ST6GALNAC3: variants seen among roughly 807,000 people sequenced by gnomAD.
ST6GALNAC3 encodes the protein alpha-N-acetylgalactosaminide alpha-2,6-sialyltransferase 3.
In ST6GALNAC3, 25 loss-of-function variants were observed where a neutral mutation model predicts 32.7. The ratio of observed to expected loss-of-function variants is 0.76; its 90% CI spans 0.56 to 1.07. ST6GALNAC3 has a LOEUF of 1.07. Among genes scored for constraint, ST6GALNAC3 ranks in the 50% least tolerant of loss-of-function variants. ST6GALNAC3 has a pLI of 0.00. For synonymous variants in ST6GALNAC3, 129 were observed against 133.1 expected, an observed-to-expected ratio of 0.97 and a Z score of 0.21; for missense variants, 355 against 382.4, an observed-to-expected ratio of 0.93 and a Z score of 0.60.
intron 3 of ST6GALNAC3, among the ~76,000 whole-genome samples, 188 bp downstream of exon 3, chr1:76,412,605 C>G (rs1654338348): frequency 1.3e-5 from 2 of 152,084 alleles, no homozygotes; most frequent in Non-Finnish European, 2.9e-5. Context: ...ACCTCCTGTT[C>G]TTTCCATTCT....
chr1:76,300,655 T>G (rs546789596), intron 1 of ST6GALNAC3, among the ~76,000 whole-genome samples: 1 of 152,136 alleles, frequency 6.6e-6, no homozygotes, highest in Admixed American at 6.6e-5. Context: ...TTGAGAGGAT[T>G]CTGAAGTTGC....
chr1:76,430,143 T>C (rs780307516), intron 3 of ST6GALNAC3, among the ~76,000 whole-genome samples: 24 of 152,186 alleles, frequency 1.6e-4, no homozygotes, highest in Non-Finnish European at 2.5e-4. Context: ...TATTCTTTGA[T>C]TATATGCTTT....
chr1:76,400,706 G>A (rs961788314), intron 2 of ST6GALNAC3, among the ~76,000 whole-genome samples: 3 of 152,008 alleles, frequency 2.0e-5, no homozygotes, highest in African/African-American at 7.2e-5. Flanking sequence ...GGCCAACATG[G>A]TGAAACCTCA....
intron 3 of ST6GALNAC3, among the ~76,000 whole-genome samples, chr1:76,532,486 T>C (rs988670337): frequency 1.3e-5 from 2 of 152,034 alleles, no homozygotes; most frequent in Admixed American, 6.6e-5. Flanking sequence ...TGATTGAGAG[T>C]GCATTGTTTA....
chr1:76,364,674 A>G (rs1217645136), intron 2 of ST6GALNAC3, among the ~76,000 whole-genome samples: 2 of 152,158 alleles, frequency 1.3e-5, no homozygotes, highest in African/African-American at 2.4e-5. Flanking sequence ...GGCAAAAGAC[A>G]TGAAAAGACA....
intron 1 of ST6GALNAC3, among the ~76,000 whole-genome samples, chr1:76,296,317 G>T (rs12405655): frequency 1.3e-5 from 2 of 152,096 alleles, no homozygotes; most frequent in South Asian, 4.1e-4. Flanking sequence ...GAAATGGTTT[G>T]AGTACTGTAG....
chr1:76,467,893 A>T lies in ST6GALNAC3; in HGVS notation c.623+55476A>T, dbSNP rs1002492661. ...ATACAATTTTCACTGTATAAATGGA[A>T]TGAAAGTCTAAAGCAGTACTCAGGT... is the stretch of plus-strand genomic sequence containing the variant. On this transcript the variant is annotated intron_variant, in intron 3 of 4. Coordinates refer to ENST00000328299, the MANE Select transcript of ST6GALNAC3 (RefSeq NM_152996.4). Among the ~76,000 whole-genome samples, 5 of 152,176 alleles carry T rather than the reference A, an allele frequency of 3.3e-5. No individual in the cohort carries two copies. The South Asian group carries it at 1.0e-3, about 32-fold the overall frequency.
intron 1 of ST6GALNAC3, among the ~76,000 whole-genome samples, chr1:76,201,399 A>C (rs2100541107): frequency 6.6e-6 from 1 of 152,276 alleles, no homozygotes; most frequent in African/African-American, 2.4e-5. Context: ...GCATGGGAAA[A>C]ATCCACCCCC....
At chr1:76,492,324 TTAA>T (rs1358228837) in intron 3 of ST6GALNAC3, among the ~76,000 whole-genome samples, 4 of 152,036 alleles carry the variant, frequency 2.6e-5, no homozygotes, top group Non-Finnish European at 5.9e-5. Flanking sequence ...AATAGTAGAC[TTAA>T]TGATGGTTTA....
intron 3 of ST6GALNAC3, among the ~76,000 whole-genome samples, chr1:76,545,033 T>C (rs1664207025): frequency 6.6e-6 from 1 of 152,214 alleles, no homozygotes; most frequent in African/African-American, 2.4e-5. Context: ...AACTTTGTTA[T>C]AAAACAGCAG....
chr1:76,333,029 C>A (rs962533189), intron 2 of ST6GALNAC3, among the ~76,000 whole-genome samples: 2 of 152,080 alleles, frequency 1.3e-5, no homozygotes, highest in Non-Finnish European at 2.9e-5. Flanking sequence ...AAGGCTGGAC[C>A]CTCTTTGCAT....
intron 3 of ST6GALNAC3, among the ~76,000 whole-genome samples, chr1:76,440,763 G>A (rs779710845): frequency 6.6e-6 from 1 of 152,072 alleles, no homozygotes; most frequent in Non-Finnish European, 1.5e-5. Flanking sequence ...GATAAAAAAC[G>A]GATTTTTCTT....
chr1:76,206,745 C>G (rs1381970058), intron 1 of ST6GALNAC3, among the ~76,000 whole-genome samples: 1 of 151,888 alleles, frequency 6.6e-6, no homozygotes, highest in Non-Finnish European at 1.5e-5. Flanking sequence ...AAAAAAAATG[C>G]TGTCGTTAGA....
In ST6GALNAC3 at chr1:76,508,363, C is replaced by T. The variant is rs1347185389; in HGVS notation, c.623+95946C>T. Reference sequence around the variant, plus strand: ...CTGTGTTGCCCAGTTCCTAACAGGCCAGGGACAGGTACCGGTCTGTGGCCC... The same window carrying T: ...CTGTGTTGCCCAGTTCCTAACAGGCTAGGGACAGGTACCGGTCTGTGGCCC... On this transcript the variant is annotated intron_variant, in intron 3 of 4. Coordinates refer to ENST00000328299, the MANE Select transcript of ST6GALNAC3 (RefSeq NM_152996.4). Among the ~76,000 whole-genome samples, 6 of 152,230 alleles carry T rather than the reference C, an allele frequency of 3.9e-5. No individual in the cohort carries two copies. In the East Asian group the frequency reaches 1.2e-3, roughly 29 times the overall value.
chr1:76,354,139 T>G (rs946645601), intron 2 of ST6GALNAC3: 3 of 153,122 alleles, frequency 2.0e-5, no homozygotes, highest in African/African-American at 7.2e-5. Context: ...CTGCTCCTGC[T>G]GCTGCTGTTG....
chr1:76,403,507 C>T (rs962155565), intron 2 of ST6GALNAC3, among the ~76,000 whole-genome samples: 4 of 152,044 alleles, frequency 2.6e-5, no homozygotes, highest in Non-Finnish European at 5.9e-5. Flanking sequence ...GTTTCTCAAA[C>T]CTAGGCATCT....
At chr1:76,479,576 G>T (rs1035919540) in intron 3 of ST6GALNAC3, among the ~76,000 whole-genome samples, 1 of 152,140 alleles carries the variant, frequency 6.6e-6, no homozygotes, top group African/African-American at 2.4e-5. Context: ...GAGAACATGC[G>T]CAAGGGTGGG....
In ST6GALNAC3 at chr1:76,157,530, AAGCC is replaced by A. The variant is rs143078969; in HGVS notation, c.18+82648_18+82651del. 2.2e-4 allele frequency among the ~76,000 whole-genome samples: 33 copies of A among 152,318 alleles called. 1 individual carries two copies. Among genetic ancestry groups the A allele is most frequent in the African/African-American group, 7.7e-4 (32 of 41,572 alleles). ...GTTTTACAGACTGCATACATTTCCA[AAGCC>A]ACTTAAATAGCACCTTTTTCTTCCA... On this transcript the variant is annotated intron_variant, in intron 1 of 4. Transcript: ENST00000328299.
chr1:76,540,641 C>T (rs926690275), intron 3 of ST6GALNAC3, among the ~76,000 whole-genome samples: 1 of 151,896 alleles, frequency 6.6e-6, no homozygotes, highest in African/African-American at 2.4e-5. Context: ...CTGAAGCTGC[C>T]GTTTTTTCTT....
Sources: gnomAD v4.1 joint callset for allele counts (sites outside exome capture counted in the v4.1 genomes callset) on GRCh38, gnomAD v4.1.1 for gene constraint, MANE v1.5 for transcripts, NCBI Gene and HGNC (gene_info 2026-07-23, HGNC 2026-07-21) for gene names.